The following ZC3H12B variants were observed in gnomAD, a reference collection of about 807,000 sequenced individuals.
ZC3H12B encodes the protein zinc finger CCCH-type containing 12B, also known as probable ribonuclease ZC3H12B.
A neutral mutation model predicts 43.9 loss-of-function variants in ZC3H12B; 7 were observed. That is an observed-to-expected ratio of 0.16 (90% CI 0.09 to 0.30). The LOEUF (loss-of-function observed/expected upper bound fraction) is 0.30, where lower values mean the gene tolerates loss of function less well. Ranked by LOEUF, ZC3H12B falls within the 10% of genes least tolerant of loss-of-function variation. ZC3H12B has a pLI of 1.00. For synonymous variants in ZC3H12B, 222 were observed against 241.7 expected (o/e 0.92, Z 0.76); for missense variants, 475 against 670.2 (o/e 0.71, Z 3.22).
At chrX:65,163,425 A>C in the ZC3H12B span, among the ~76,000 whole-genome samples, 1 of 111,462 alleles carries the variant, frequency 9.0e-6, no homozygotes, top group Non-Finnish European at 1.9e-5. Context: ...GGCTCCACCC[A>C]GTTCGAGCTT....
intron 3 of ZC3H12B, among the ~76,000 whole-genome samples, chrX:65,462,816 C>G (rs1296230975): frequency 1.8e-5 from 2 of 112,233 alleles, no homozygotes; most frequent in African/African-American, 3.2e-5. Flanking sequence ...CACGTGCACT[C>G]GCATGTTCAT....
At chrX:65,441,233 G>A (rs2067297362) in intron 3 of ZC3H12B, among the ~76,000 whole-genome samples, 1 of 111,698 alleles carries the variant, frequency 9.0e-6, no homozygotes, top group Non-Finnish European at 1.9e-5. Flanking sequence ...GTCCCAGGTT[G>A]TCCATCAGGC....
the ZC3H12B span, chrX:65,272,375 A>T: frequency 9.0e-6 from 1 of 111,421 alleles, no homozygotes; most frequent in Non-Finnish European, 1.9e-5. Flanking sequence ...AATGAAGATT[A>T]TGGTGATTAA....
chrX:65,304,396 C>T, the ZC3H12B span, among the ~76,000 whole-genome samples: 3 of 111,489 alleles, frequency 2.7e-5, no homozygotes, highest in Admixed American at 2.9e-4. Context: ...ACGAGTGGAT[C>T]ACGAGGTCAG....
chrX:65,331,027 T>C, the ZC3H12B span: 1 of 336,674 alleles, frequency 3.0e-6, no homozygotes, highest in Non-Finnish European at 5.8e-6. Flanking sequence ...TGTTTCTGCA[T>C]ATTGGTGTCC....
the ZC3H12B span, among the ~76,000 whole-genome samples, chrX:65,329,236 C>T: frequency 1.8e-5 from 2 of 111,446 alleles, no homozygotes; most frequent in African/African-American, 6.6e-5. Context: ...TTAATGATTG[C>T]CATTCTAAAT....
the ZC3H12B span, among the ~76,000 whole-genome samples, chrX:65,112,359 G>T: frequency 5.3e-5 from 6 of 112,312 alleles, no homozygotes; most frequent in Admixed American, 5.7e-4. Context: ...AGTGCTGATG[G>T]AAAAGCTGCA....
the ZC3H12B span, among the ~76,000 whole-genome samples, chrX:65,327,710 A>G: frequency 2.7e-5 from 3 of 111,925 alleles, no homozygotes; most frequent in African/African-American, 9.7e-5. Context: ...AACAGCATTC[A>G]AAAACAGCTT....
At chrX:65,212,336 A>G in the ZC3H12B span, among the ~76,000 whole-genome samples, 3 of 52,883 alleles carry the variant, frequency 5.7e-5, no homozygotes, top group South Asian at 2.7e-3. Context: ...ATTATATAAT[A>G]TATAATATAA....
At chrX:65,362,734 C>G (rs1487374508), upstream of ZC3H12B, among the ~76,000 whole-genome samples, 1 of 111,267 alleles carries the variant, frequency 9.0e-6, no homozygotes, top group Non-Finnish European at 1.9e-5. Flanking sequence ...AGCCTGTTAT[C>G]ACTCGCCTGT....
chrX:65,057,467 G>A, the ZC3H12B span, among the ~76,000 whole-genome samples: 1 of 111,703 alleles, frequency 9.0e-6, no homozygotes, highest in Non-Finnish European at 1.9e-5. Flanking sequence ...TAGTCTGATG[G>A]GCTTCCCTTT....
the ZC3H12B span, among the ~76,000 whole-genome samples, chrX:65,301,485 C>G: frequency 9.1e-6 from 1 of 109,619 alleles, no homozygotes; most frequent in East Asian, 2.8e-4. Flanking sequence ...TATACACATA[C>G]ACGTATACAT....
At chrX:65,119,810 A>T in the ZC3H12B span, among the ~76,000 whole-genome samples, 4 of 111,793 alleles carry the variant, frequency 3.6e-5, no homozygotes, top group African/African-American at 1.3e-4. Flanking sequence ...ATCCATCCTG[A>T]ATTAATTTTT....
chrX:65,270,260 G>T, the ZC3H12B span, among the ~76,000 whole-genome samples: 1 of 111,795 alleles, frequency 8.9e-6, no homozygotes, highest in Non-Finnish European at 1.9e-5. Context: ...TTTGATAAGA[G>T]CACCAAGAGG....
At chrX:65,268,938 A>G in the ZC3H12B span, among the ~76,000 whole-genome samples, 1 of 112,582 alleles carries the variant, frequency 8.9e-6, no homozygotes, top group Admixed American at 9.4e-5. Context: ...ATGAAAGTAT[A>G]TCTGTTTGCA....
chrX:65,460,098 C>T (rs1269367160), intron 3 of ZC3H12B, among the ~76,000 whole-genome samples: 1 of 111,602 alleles, frequency 9.0e-6, no homozygotes, highest in South Asian at 3.8e-4. Context: ...TGAGTGAACT[C>T]CCATTCATAA....
the ZC3H12B span, among the ~76,000 whole-genome samples, chrX:65,273,845 C>T: frequency 3.8e-4 from 43 of 112,276 alleles, no homozygotes; most frequent in African/African-American, 1.3e-3. Flanking sequence ...ACAATGCCTG[C>T]CAAAACTAAA....
At chrX:65,131,518 G>A in the ZC3H12B span, among the ~76,000 whole-genome samples, 2 of 111,494 alleles carry the variant, frequency 1.8e-5, no homozygotes, top group South Asian at 3.8e-4. Flanking sequence ...GGGAGAGTTA[G>A]TGTGGGAGCA....
the ZC3H12B span, among the ~76,000 whole-genome samples, chrX:65,326,237 A>G: frequency 8.9e-6 from 1 of 111,992 alleles, no homozygotes; most frequent in Non-Finnish European, 1.9e-5. Flanking sequence ...CAACCTACTC[A>G]TATGGAGAAA....
Sources: gnomAD v4.1 joint callset for allele counts (sites outside exome capture counted in the v4.1 genomes callset) on GRCh38, gnomAD v4.1.1 for gene constraint, MANE v1.5 for transcripts, NCBI Gene and HGNC (gene_info 2026-07-23, HGNC 2026-07-21) for gene names.